The following ARFGEF2 variants were observed in gnomAD, a reference collection of about 807,000 sequenced individuals.
ARFGEF2 encodes the protein brefeldin A-inhibited guanine nucleotide-exchange protein 2.
In ARFGEF2, 74 loss-of-function variants were observed where a neutral mutation model predicts 219.9. The observed-to-expected ratio is 0.34, with a 90% CI of 0.28 to 0.41. The LOEUF is 0.41. Among genes scored for constraint, ARFGEF2 ranks in the 10% least tolerant of loss-of-function variants. The pLI is 1.00. For synonymous variants in ARFGEF2, 733 were observed against 799.2 expected (o/e 0.92, Z 1.40); for missense variants, 1,743 against 2,218.3 (o/e 0.79, Z 4.30).
chr20:49,033,204 G>C lies in ARFGEF2; in HGVS notation c.*5G>C. On this transcript the variant is annotated 3_prime_UTR_variant, in exon 39 of 39. Coordinates refer to ENST00000371917, the MANE Select transcript of ARFGEF2 (RefSeq NM_006420.3). ...GCACTGTCACCAGTGTGGTAGCCCT[G>C]GCTGCCCAGGCCAGTGCTGCAGCTC... The C allele has an allele frequency of 6.2e-7, 1 of 1,614,150 alleles. No homozygotes were observed. The highest frequency in any genetic ancestry group is 8.5e-7 in the Non-Finnish European group (1 of 1,180,010).
Position 49,036,181 on chromosome 20 carries a change from A to T in ARFGEF2, c.*2982A>T, listed in dbSNP as rs1196967843. On this transcript the variant is annotated 3_prime_UTR_variant, in exon 39 of 39. Transcript: ENST00000371917. Reference sequence around the variant, plus strand: ...GGATCCTTAATACTGCATTTTCTGAATTCTGTTTTAATATTTGTGTTAAAG... The same window carrying T: ...GGATCCTTAATACTGCATTTTCTGATTTCTGTTTTAATATTTGTGTTAAAG... 5 of 398,208 alleles carry T rather than the reference A, an allele frequency of 1.3e-5. No homozygotes were observed. The highest frequency in any genetic ancestry group is 2.2e-5 in the Non-Finnish European group (5 of 225,930). The allele number at this position is 398,208 out of a possible 1,614,324, so 24.7% of individuals were successfully genotyped here.
chr20:48,962,322 C>T (rs767743184), intron 6 of ARFGEF2, among the ~76,000 whole-genome samples: 3 of 152,120 alleles, frequency 2.0e-5, no homozygotes, highest in Non-Finnish European at 2.9e-5. Context: ...AGCATCACCA[C>T]GAATATAAGT....
chr20:48,973,362 AG>A, intron 12 of ARFGEF2, 78 bp downstream of exon 12: 1 of 1,476,472 alleles, frequency 6.8e-7, no homozygotes, highest in Non-Finnish European at 9.4e-7. Flanking sequence ...ACCACATGCC[AG>A]GCACTGTCCT....
intron 6 of ARFGEF2, among the ~76,000 whole-genome samples, chr20:48,956,215 C>G (rs2091104777): frequency 1.3e-5 from 2 of 152,230 alleles, no homozygotes; most frequent in African/African-American, 2.4e-5. Context: ...GTAGTAATCA[C>G]CATCACATGG....
chr20:48,983,340 A>G (rs2091308249), intron 14 of ARFGEF2, among the ~76,000 whole-genome samples: 1 of 152,100 alleles, frequency 6.6e-6, no homozygotes, highest in Admixed American at 6.5e-5. Context: ...ATATATTCCA[A>G]CTTGTAAATG....
At chr20:48,934,550 T>C (rs961985934) in intron 1 of ARFGEF2, among the ~76,000 whole-genome samples, 4 of 152,170 alleles carry the variant, frequency 2.6e-5, no homozygotes, top group Non-Finnish European at 5.9e-5. Flanking sequence ...TGTGCCTCCC[T>C]GTGTCCATGT....
rs550947400 is a variant in ARFGEF2, at chr20:48,988,514, G to A, written c.2385G>A (p.Glu795=). 6.2e-7 allele frequency: 1 copy of A among 1,613,118 alleles called. No homozygotes were observed. The highest frequency in any genetic ancestry group is 8.5e-7 in the Non-Finnish European group (1 of 1,179,454). ...AGGTAAAAAATAAAATGACGAAAGA[G>A]CAGTATATTAAAATGAATCGGGGTA... ...SPQVKNKMTK[E]QYIKMNRGIN... The change falls in exon 18 of 39, where the codon GAG becomes GAA. Residue 795 remains glutamate (E), a synonymous_variant. Transcript: ENST00000371917.
chr20:49,022,342 G>T (rs541780157), intron 34 of ARFGEF2, among the ~76,000 whole-genome samples: 1 of 151,556 alleles, frequency 6.6e-6, no homozygotes, highest in African/African-American at 2.4e-5. Context: ...CAGGCAGATC[G>T]CTTGATATTG....
chr20:49,034,785 G>C lies in ARFGEF2; in HGVS notation c.*1586G>C, dbSNP rs2091656568. ...ACCGATATTCTTAAGTTGTTTTCTT[G>C]TTTTAACAGCCTTGAGAAATGTTTG... is the stretch of plus-strand genomic sequence containing the variant. On this transcript the variant is annotated 3_prime_UTR_variant, in exon 39 of 39. Coordinates refer to ENST00000371917, the MANE Select transcript of ARFGEF2 (RefSeq NM_006420.3). 6.6e-6 allele frequency: 1 copy of C among 152,036 alleles called. No homozygotes were observed. Among genetic ancestry groups the C allele is most frequent in the Non-Finnish European group, 1.5e-5 (1 of 67,994 alleles). 9.4% of individuals were successfully genotyped at this position (152,036 alleles called of 1,614,324 possible).
chr20:49,004,176 C>T (rs1236829837), intron 25 of ARFGEF2, among the ~76,000 whole-genome samples: 1 of 152,008 alleles, frequency 6.6e-6, no homozygotes, highest in African/African-American at 2.4e-5. Context: ...GCCTGGCCAA[C>T]ATGGTGAAAC....
In ARFGEF2 at chr20:49,023,076, C is replaced by T. The variant is rs780415562; in HGVS notation, c.4650C>T (p.Leu1550=). 5 of 1,614,186 alleles carry T rather than the reference C, an allele frequency of 3.1e-6. No homozygotes were observed. In the South Asian group the frequency reaches 4.4e-5, roughly 14 times the overall value. The stretch of plus-strand genomic sequence containing the variant: ...ATCAGAAACTGTTTGCCAGCCTCCT[C>T]ATCAAGTGTGTGGTCCAGTTGGAAT... The part of the protein sequence containing the change: ...YANQKLFASL[L]IKCVVQLELI... The change falls in exon 35 of 39, where the codon CTC becomes CTT. Residue 1550 remains leucine, a synonymous_variant. Transcript: ENST00000371917.
At chr20:48,988,692 A>T in intron 18 of ARFGEF2, 30 bp downstream of exon 18, 1 of 1,605,578 alleles carries the variant, frequency 6.2e-7, no homozygotes, top group Non-Finnish European at 8.5e-7. Context: ...TATTTCTTTT[A>T]GTTCTAATTT....
intron 25 of ARFGEF2, among the ~76,000 whole-genome samples, chr20:48,999,020 A>G (rs1257432430): frequency 6.6e-6 from 1 of 152,078 alleles, no homozygotes; most frequent in Non-Finnish European, 1.5e-5. Context: ...GGCAGATCAC[A>G]AGGTCAGGAG....
rs746141031 is a variant in ARFGEF2, at chr20:48,988,565, A to C, written c.2436A>C (p.Glu812Asp). 3.1e-6 allele frequency: 5 copies of C among 1,613,734 alleles called. No homozygotes were observed. The highest frequency in any genetic ancestry group is 4.2e-6 in the Non-Finnish European group (5 of 1,179,726). Residue 812 changes from glutamate to aspartate, a missense_variant, in exon 18 of 39, where the codon GAA (glutamate) becomes GAC (aspartate). Transcript: ENST00000371917. ...TCAATGATAGTAAAGATCTGCCAGA[A>C]GAGTATCTCTCAAGCATCTATGAAG... ...RGINDSKDLP[E>D]EYLSSIYEEI...
chr20:48,950,784 A>T (rs2091061268), intron 3 of ARFGEF2, among the ~76,000 whole-genome samples: 1 of 124,506 alleles, frequency 8.0e-6, no homozygotes, highest in Non-Finnish European at 1.7e-5. Context: ...TAACAGAATA[A>T]GACCCTGTCT....
intron 6 of ARFGEF2, among the ~76,000 whole-genome samples, chr20:48,959,567 C>G (rs1237725151): frequency 2.7e-5 from 2 of 74,004 alleles, no homozygotes; most frequent in Non-Finnish European, 5.6e-5. Flanking sequence ...CCCTCCCTCC[C>G]TCCCTCCTTC....
intron 16 of ARFGEF2, among the ~76,000 whole-genome samples, chr20:48,986,528 T>C (rs1315456406): frequency 6.6e-6 from 1 of 151,774 alleles, no homozygotes; most frequent in African/African-American, 2.4e-5. Context: ...GCAGGAGAAT[T>C]GCTTCAACCT....
At chr20:48,958,440 C>CT (rs557036219) in intron 6 of ARFGEF2, among the ~76,000 whole-genome samples, 34,900 of 143,980 alleles carry the variant, frequency 0.24, 4,617 homozygotes, top group East Asian at 0.42. Flanking sequence ...CTCTGATGTT[C>CT]TTTTTTTTTT....
At chr20:49,006,929 C>T (rs1009910722) in intron 26 of ARFGEF2, among the ~76,000 whole-genome samples, 23 of 151,876 alleles carry the variant, frequency 1.5e-4, no homozygotes, top group African/African-American at 5.6e-4. Context: ...ATCCGCCCAC[C>T]TGGGCCTCCC....
Sources: gnomAD v4.1 joint callset for allele counts (sites outside exome capture counted in the v4.1 genomes callset) on GRCh38, gnomAD v4.1.1 for gene constraint, MANE v1.5 for transcripts, NCBI Gene and HGNC (gene_info 2026-07-23, HGNC 2026-07-21) for gene names.